RALGPS1: variants seen among roughly 807,000 people sequenced by gnomAD.
RALGPS1 encodes Ral GEF with PH domain and SH3 binding motif 1, also known as ras-specific guanine nucleotide-releasing factor RalGPS1.
Under a neutral mutation model 78.8 loss-of-function variants are expected in RALGPS1, and 19 were observed. The observed-to-expected ratio is 0.24, with a 90% confidence interval of 0.17 to 0.35. The LOEUF (loss-of-function observed/expected upper bound fraction) is 0.35. RALGPS1 is among the 10% of genes least tolerant of loss of function. The probability of loss-of-function intolerance (pLI) is 1.00; values close to 1 mark genes in which losing one functional copy is unlikely to be tolerated. For synonymous variants in RALGPS1, 228 were observed against 256.3 expected, an observed-to-expected ratio of 0.89 and a Z score of 1.06; for missense variants, 454 against 688.3, an observed-to-expected ratio of 0.66 and a Z score of 3.81.
chr9:126,930,765 G>A (rs1263477203), intron 1 of RALGPS1, among the ~76,000 whole-genome samples: 1 of 152,178 alleles, frequency 6.6e-6, no homozygotes, highest in African/African-American at 2.4e-5. Context: ...GGTCAAGATA[G>A]TTTTTTAAAT....
At chr9:127,123,698 T>A (rs934173446) in intron 8 of RALGPS1, among the ~76,000 whole-genome samples, 5 of 151,822 alleles carry the variant, frequency 3.3e-5, no homozygotes, top group Admixed American at 6.6e-5. Context: ...AGAATCAGAG[T>A]AAGAAAGGAG....
At chr9:127,098,547 T>A (rs984915919) in intron 8 of RALGPS1, among the ~76,000 whole-genome samples, 31 of 152,140 alleles carry the variant, frequency 2.0e-4, no homozygotes, top group African/African-American at 7.2e-4. Context: ...GGGTCTGGGG[T>A]CAGGAGGCCT....
chr9:127,025,404 C>T (rs2045881825), intron 4 of RALGPS1, among the ~76,000 whole-genome samples: 1 of 152,126 alleles, frequency 6.6e-6, no homozygotes, highest in Non-Finnish European at 1.5e-5. Context: ...TGGGTAAATA[C>T]CTACCCAATG....
At chr9:126,983,909 A>G (rs905144509) in intron 4 of RALGPS1, among the ~76,000 whole-genome samples, 20 of 152,114 alleles carry the variant, frequency 1.3e-4, no homozygotes, top group Admixed American at 3.3e-4. Flanking sequence ...TTTGTATCAC[A>G]TGTCACATTA....
At chr9:127,156,297 G>A (rs1359900308) in intron 8 of RALGPS1, among the ~76,000 whole-genome samples, 3 of 152,138 alleles carry the variant, frequency 2.0e-5, no homozygotes, top group African/African-American at 7.2e-5. Flanking sequence ...TAGTATTGCT[G>A]TAGAGTAAAT....
chr9:127,138,306 G>A (rs2057536296), intron 8 of RALGPS1, among the ~76,000 whole-genome samples: 1 of 152,178 alleles, frequency 6.6e-6, no homozygotes, highest in Non-Finnish European at 1.5e-5. Context: ...TTTGTCCGTG[G>A]CTGCATTGTC....
intron 14 of RALGPS1, among the ~76,000 whole-genome samples, chr9:127,201,498 C>T (rs778963692): frequency 2.0e-5 from 3 of 152,234 alleles, no homozygotes; most frequent in Non-Finnish European, 2.9e-5. Flanking sequence ...TTCTTACATT[C>T]CCTGAAATAA....
intron 8 of RALGPS1, among the ~76,000 whole-genome samples, chr9:127,131,709 C>T (rs537012810): frequency 6.6e-6 from 1 of 152,298 alleles, no homozygotes; most frequent in South Asian, 2.1e-4. Context: ...CTTAGGGAGG[C>T]TCCTGACCCT....
At chr9:127,160,420 C>T (rs773815615) in intron 8 of RALGPS1, among the ~76,000 whole-genome samples, 20 of 152,318 alleles carry the variant, frequency 1.3e-4, no homozygotes, top group South Asian at 6.2e-4. Flanking sequence ...GAGAGCTGCC[C>T]ACTCTGGCCC....
intron 17 of RALGPS1, 62 bp downstream of exon 17, chr9:127,213,111 G>A (rs566814374): frequency 2.5e-6 from 4 of 1,595,094 alleles, no homozygotes; most frequent in Non-Finnish European, 3.4e-6. Context: ...CTCTTGCACA[G>A]CGTGCATTTT....
At chr9:127,202,713 G>T (rs2061700897) in intron 14 of RALGPS1, among the ~76,000 whole-genome samples, 1 of 152,190 alleles carries the variant, frequency 6.6e-6, no homozygotes, top group South Asian at 2.1e-4. Flanking sequence ...ATGAGGACAG[G>T]GTGGTGATCC....
At chr9:127,172,173 C>T (rs1423196465) in intron 10 of RALGPS1, among the ~76,000 whole-genome samples, 5 of 152,210 alleles carry the variant, frequency 3.3e-5, no homozygotes, top group African/African-American at 1.2e-4. Flanking sequence ...TCACAGGGCC[C>T]GCATGCCCTG....
At chr9:127,087,258 C>T (rs1314312608) in intron 8 of RALGPS1, 5 of 152,442 alleles carry the variant, frequency 3.3e-5, no homozygotes, top group African/African-American at 1.2e-4. Context: ...GGTGCCGAAT[C>T]TCTTCCTGGT....
At chr9:127,103,301 A>G (rs1344626872) in intron 8 of RALGPS1, among the ~76,000 whole-genome samples, 1 of 152,244 alleles carries the variant, frequency 6.6e-6, no homozygotes, top group Non-Finnish European at 1.5e-5. Context: ...CATCCTGGCC[A>G]TAGCCCAATA....
chr9:127,089,427 G>A (rs1297116041), intron 8 of RALGPS1, among the ~76,000 whole-genome samples: 2 of 152,178 alleles, frequency 1.3e-5, no homozygotes, highest in South Asian at 2.1e-4. Flanking sequence ...CGCACAGGGC[G>A]GCTCTGAGGA....
In RALGPS1 at chr9:127,212,559, T is replaced by C. The variant is rs550794212; in HGVS notation, c.1354-68T>C. 3.5e-6 allele frequency: 4 copies of C among 1,154,588 alleles called. No homozygotes were observed. The highest frequency in any genetic ancestry group is 5.0e-6 in the Non-Finnish European group (4 of 799,050). The allele number at this position is 1,154,588 out of a possible 1,614,324, so 71.5% of individuals were successfully genotyped here. A position where few individuals can be genotyped will look rare whatever the true frequency, so the allele number is the denominator to read the frequency against. ...GGCATTGATGGGATGGCTGGGTCTG[T>C]AATCGGCCAGGGATCCTCTACCCCC... is the stretch of plus-strand genomic sequence containing the variant. On this transcript the variant is annotated intron_variant, in intron 15 of 18. Transcript: ENST00000259351. The surrounding 1 kb of genome is among the most constrained non-coding windows in gnomAD (Gnocchi z 6.0).
chr9:127,068,694 C>T (rs752758919), intron 7 of RALGPS1, among the ~76,000 whole-genome samples: 2 of 152,110 alleles, frequency 1.3e-5, no homozygotes, highest in Admixed American at 6.5e-5. Context: ...TGTTAGACAA[C>T]AGCTTTTATT....
intron 4 of RALGPS1, among the ~76,000 whole-genome samples, chr9:127,033,993 C>T (rs2046645846): frequency 6.6e-6 from 1 of 152,180 alleles, no homozygotes; most frequent in African/African-American, 2.4e-5. Context: ...GAGACTTTGC[C>T]TCACACCAGG....
intron 11 of RALGPS1, among the ~76,000 whole-genome samples, chr9:127,190,319 TTTTG>T (rs371037137): frequency 4.8e-4 from 73 of 152,212 alleles, no homozygotes; most frequent in Middle Eastern, 3.4e-3. Context: ...AAGTTTTGGG[TTTTG>T]TTTGTTTGTT....
Sources: gnomAD v4.1 joint callset for allele counts (sites outside exome capture counted in the v4.1 genomes callset) on GRCh38, gnomAD v4.1.1 for gene constraint, Gnocchi (gnomAD v3.1) non-coding constraint, MANE v1.5 for transcripts, NCBI Gene and HGNC (gene_info 2026-07-23, HGNC 2026-07-21) for gene names.